KCTD20: variants seen among roughly 807,000 people sequenced by gnomAD.
KCTD20 encodes potassium channel tetramerization domain containing 20.
KCTD20 carries 30 observed loss-of-function variants against 39.6 expected under a neutral mutation model. The ratio of observed to expected loss-of-function variants is 0.76; its 90% confidence interval spans 0.57 to 1.03. KCTD20 has a LOEUF of 1.03. KCTD20 is among the 50% of genes least tolerant of loss of function. The probability of loss-of-function intolerance (pLI) is 0.00; values close to 1 mark genes in which losing one functional copy is unlikely to be tolerated. For synonymous variants in KCTD20, 162 were observed against 180.6 expected (o/e 0.90, Z 0.83); for missense variants, 422 against 522.0 (o/e 0.81, Z 1.87).
intron 6 of KCTD20, among the ~76,000 whole-genome samples, chr6:36,484,125 G>A (rs1357682008): frequency 2.0e-5 from 3 of 151,854 alleles, no homozygotes; most frequent in South Asian, 2.1e-4. Context: ...TAGTAGAGAC[G>A]GGGTTTCACC....
At chr6:36,452,304 AT>A (rs1283349051) in intron 1 of KCTD20, among the ~76,000 whole-genome samples, 1 of 152,194 alleles carries the variant, frequency 6.6e-6, no homozygotes, top group Admixed American at 6.5e-5. Flanking sequence ...TAGTCAAGCC[AT>A]TGGATTCTGG....
At chr6:36,445,655 A>G (rs1775019180) in intron 1 of KCTD20, among the ~76,000 whole-genome samples, 1 of 152,178 alleles carries the variant, frequency 6.6e-6, no homozygotes, top group Non-Finnish European at 1.5e-5. Flanking sequence ...GATATAAAGG[A>G]GCTTATTACA....
intron 1 of KCTD20, among the ~76,000 whole-genome samples, chr6:36,465,231 G>T (rs187581615): frequency 1.3e-5 from 2 of 151,232 alleles, no homozygotes; most frequent in Admixed American, 6.6e-5. Flanking sequence ...GGGAGGCAGA[G>T]GTTGCAGTGA....
At chr6:36,458,167 C>T (rs1267902156) in intron 1 of KCTD20, among the ~76,000 whole-genome samples, 1 of 152,190 alleles carries the variant, frequency 6.6e-6, no homozygotes. Flanking sequence ...GTCCTCCCAT[C>T]TCAGCCTCCT....
intron 1 of KCTD20, chr6:36,443,765 A>T (rs1325186223): frequency 6.6e-6 from 1 of 151,296 alleles, no homozygotes; most frequent in Non-Finnish European, 1.5e-5. Flanking sequence ...CTATGAGAAA[A>T]CTCTTCTATT....
At chr6:36,471,223 C>T (rs1230429504) in intron 2 of KCTD20, among the ~76,000 whole-genome samples, 1 of 151,908 alleles carries the variant, frequency 6.6e-6, no homozygotes, top group African/African-American at 2.4e-5. Context: ...TGAAAGATCC[C>T]GATAAACTGA....
chr6:36,449,940 G>T (rs369640344), intron 1 of KCTD20, among the ~76,000 whole-genome samples: 2 of 152,076 alleles, frequency 1.3e-5, no homozygotes, highest in Non-Finnish European at 2.9e-5. Context: ...TGAGGCGGGC[G>T]GATCACAAGG....
chr6:36,461,545 TA>T (rs987579538), intron 1 of KCTD20, among the ~76,000 whole-genome samples: 4 of 152,142 alleles, frequency 2.6e-5, no homozygotes, highest in Non-Finnish European at 5.9e-5. Flanking sequence ...GATACAGTTA[TA>T]AAAAAACTAA....
At chr6:36,473,352 G>A (rs533695711) in intron 2 of KCTD20, among the ~76,000 whole-genome samples, 2 of 152,010 alleles carry the variant, frequency 1.3e-5, no homozygotes, top group South Asian at 2.1e-4. Context: ...GTGAGCCACC[G>A]CACCCGGCCT....
intron 1 of KCTD20, among the ~76,000 whole-genome samples, chr6:36,450,163 T>TAAAAAAA (rs576681021): frequency 9.4e-6 from 1 of 105,870 alleles, no homozygotes; most frequent in Non-Finnish European, 1.7e-5. Flanking sequence ...GACTCCGTCC[T>TAAAAAAA]AAAAAAAAAA....
chr6:36,464,572 G>A (rs1775688937), intron 1 of KCTD20, among the ~76,000 whole-genome samples: 1 of 152,156 alleles, frequency 6.6e-6, no homozygotes, highest in African/African-American at 2.4e-5. Context: ...AGGAGGTCTT[G>A]TAGACATTTT....
chr6:36,459,178 G>T (rs1237299885), intron 1 of KCTD20, among the ~76,000 whole-genome samples: 1 of 152,062 alleles, frequency 6.6e-6, no homozygotes, highest in Admixed American at 6.6e-5. Flanking sequence ...CAGGGCTGGT[G>T]GCACGTGCCC....
chr6:36,474,680 A>C, intron 2 of KCTD20, 109 bp from the exon 3 acceptor site: 1 of 1,067,522 alleles, frequency 9.4e-7, no homozygotes, highest in Non-Finnish European at 1.3e-6. Context: ...TGAACATCTA[A>C]AATTTGGGGG....
At position 36,469,809 on chromosome 6, in the gene KCTD20, T is replaced by C. The variant is rs541591156; in HGVS notation, c.-46-243T>C. Among the ~76,000 whole-genome samples the C allele has an allele frequency of 5.3e-4, 80 of 152,368 alleles. 1 individual carries two copies. Among genetic ancestry groups the C allele is most frequent in the Admixed American group, 3.4e-3 (52 of 15,304 alleles). The stretch of plus-strand genomic sequence containing the variant: ...ATGTGACCAAAGTCAGTGAATTTGA[T>C]GTCTGTTCATGGATAAAATTATTCC... On this transcript the variant is annotated intron_variant, in intron 1 of 7. Transcript: ENST00000373731. The surrounding 1 kb of genome is among the most constrained non-coding windows in gnomAD (Gnocchi z 4.6).
chr6:36,472,332 T>C (rs962382596), intron 2 of KCTD20, among the ~76,000 whole-genome samples: 7 of 152,170 alleles, frequency 4.6e-5, no homozygotes, highest in African/African-American at 1.7e-4. Flanking sequence ...GAACTCTAAA[T>C]AGGTTTTTGA....
Position 36,486,868 on chromosome 6 carries a change from CT to C in KCTD20, c.968-10del. ...ACAATTTGTTAGTCATGAGAATGGC[CT>C]TTTTCCATTGCAGGTTACCCTACCT... On this transcript the variant is annotated splice_polypyrimidine_tract_variant and intron_variant, in intron 7 of 7. Coordinates refer to ENST00000373731, the MANE Select transcript of KCTD20 (RefSeq NM_173562.5). The C allele has an allele frequency of 1.2e-6, 2 of 1,604,978 alleles. No individual in the cohort carries two copies. Among genetic ancestry groups the C allele is most frequent in the African/African-American group, 1.3e-5 (1 of 74,546 alleles).
At chr6:36,461,064 A>G (rs1168768724) in intron 1 of KCTD20, among the ~76,000 whole-genome samples, 3 of 152,194 alleles carry the variant, frequency 2.0e-5, no homozygotes, top group African/African-American at 7.2e-5. Context: ...TGTTAAATCA[A>G]TTAAGTTTAA....
chr6:36,473,939 G>A (rs893525965), intron 2 of KCTD20, among the ~76,000 whole-genome samples: 2 of 152,168 alleles, frequency 1.3e-5, no homozygotes, highest in African/African-American at 4.8e-5. Flanking sequence ...TGAAAAAATA[G>A]TGTAGGTGAT....
intron 5 of KCTD20, among the ~76,000 whole-genome samples, chr6:36,480,894 GGACT>G (rs1427425506): frequency 6.6e-6 from 1 of 152,060 alleles, no homozygotes; most frequent in Non-Finnish European, 1.5e-5. Flanking sequence ...TTATAGATAC[GGACT>G]TGCTTAAATC....
Sources: gnomAD v4.1 joint callset for allele counts (sites outside exome capture counted in the v4.1 genomes callset) on GRCh38, gnomAD v4.1.1 for gene constraint, Gnocchi (gnomAD v3.1) non-coding constraint, MANE v1.5 for transcripts, NCBI Gene and HGNC (gene_info 2026-07-23, HGNC 2026-07-21) for gene names.